The following YARS2 variants were observed in gnomAD, a reference collection of about 807,000 sequenced individuals.
The protein encoded by YARS2 is tyrosine--tRNA ligase, mitochondrial.
Under a neutral mutation model 45.0 loss-of-function variants are expected in YARS2, and 38 were observed. That is an observed-to-expected ratio of 0.84 (90% CI 0.65 to 1.11). The LOEUF (loss-of-function observed/expected upper bound fraction) is 1.11, where lower values mean the gene tolerates loss of function less well. Among genes scored for constraint, YARS2 ranks in the 50% least tolerant of loss-of-function variants. The pLI is 0.00. For missense variants in YARS2, 602 were observed against 599.8 expected (o/e 1.00, Z -0.04); for synonymous variants, 287 against 245.1 (o/e 1.17, Z -1.60).
At chr12:32,752,989 T>C (rs1457579142) in intron 2 of YARS2, among the ~76,000 whole-genome samples, 4 of 152,074 alleles carry the variant, frequency 2.6e-5, no homozygotes, top group Admixed American at 6.6e-5. Context: ...TTAGATATGG[T>C]TGGCACTGTA....
chr12:32,752,471 T>C (rs913912180), intron 2 of YARS2, among the ~76,000 whole-genome samples: 1 of 152,144 alleles, frequency 6.6e-6, no homozygotes, highest in Non-Finnish European at 1.5e-5. Flanking sequence ...CTAAATTCTC[T>C]AGGCCGGGTG....
chr12:32,755,785 C>T lies in YARS2; in HGVS notation c.90G>A (p.Lys30=). Residue 30 remains lysine, a synonymous_variant, in exon 1 of 5, where the codon AAG becomes AAA. Coordinates refer to ENST00000324868, the MANE Select transcript of YARS2 (RefSeq NM_001040436.3). ...GTAACCCCTGAGCGCCCGAGTGGGC[C>T]TTACGCAGCCCCAAGGGCAACAATA... ...LSVLLPLGLR[K]AHSGAQGLLA... The T allele has an allele frequency of 1.2e-6, 2 of 1,613,886 alleles. No homozygotes were observed. Among genetic ancestry groups the T allele is most frequent in the Non-Finnish European group, 1.7e-6 (2 of 1,180,012 alleles).
chr12:32,751,646 C>T (rs556845057), intron 2 of YARS2, among the ~76,000 whole-genome samples: 115 of 152,266 alleles, frequency 7.6e-4, no homozygotes, highest in African/African-American at 2.7e-3. Context: ...CACGAGGCGG[C>T]GGGGAGGGGA....
At chr12:32,753,016 T>A (rs1955777680) in intron 2 of YARS2, among the ~76,000 whole-genome samples, 1 of 151,960 alleles carries the variant, frequency 6.6e-6, no homozygotes, top group African/African-American at 2.4e-5. Context: ...GTAGATCAAA[T>A]CCAGAACTGG....
Position 32,755,249 on chromosome 12 carries a change from T to C in YARS2, c.626A>G (p.Lys209Arg), listed in dbSNP as rs541554381. ...GGCCAAGCTCATGCCCTCGGGGCTCTTGAGCCGCAGCTGCACGCTCTGCCG... is the reference window on the plus strand; with the variant it reads ...GGCCAAGCTCATGCCCTCGGGGCTCCTGAGCCGCAGCTGCACGCTCTGCCG... ...LSRQSVQLRL[K>R]SPEGMSLAEF... is the part of the protein sequence containing the mutation. Residue 209 changes from lysine (K) to arginine (R), a missense_variant, in exon 1 of 5, where the codon AAG becomes AGG. Coordinates refer to ENST00000324868, the MANE Select transcript of YARS2 (RefSeq NM_001040436.3). 707 of 1,614,202 alleles carry C rather than the reference T, an allele frequency of 4.4e-4. 10 individuals are homozygous for C. In the South Asian group the frequency reaches 7.3e-3, roughly 17 times the overall value.
chr12:32,755,200 C>T lies in YARS2; in HGVS notation c.675G>A (p.Gln225=), dbSNP rs145698585. ...GGAAGAGGTAATAGAAGTCATAGGC[C>T]TGGAGCACCTGGTAAAAGAACTCGG... The part of the protein sequence containing the change: ...SLAEFFYQVL[Q]AYDFYYLFQR... Residue 225 remains glutamine, a synonymous_variant, in exon 1 of 5, where the codon CAG becomes CAA. Coordinates refer to ENST00000324868, the MANE Select transcript of YARS2 (RefSeq NM_001040436.3). 3 of 1,614,212 alleles carry T rather than the reference C, an allele frequency of 1.9e-6. No homozygotes were observed. Among genetic ancestry groups the T allele is most frequent in the Admixed American group, 3.3e-5 (2 of 60,022 alleles).
At chr12:32,753,861 A>C in intron 2 of YARS2, 57 bp downstream of exon 2, 2 of 1,606,258 alleles carry the variant, frequency 1.2e-6, no homozygotes, top group South Asian at 1.1e-5. Flanking sequence ...TCAATGGCTA[A>C]AATTACATCA....
chr12:32,752,156 C>T (rs185005904), intron 2 of YARS2, among the ~76,000 whole-genome samples: 2 of 152,170 alleles, frequency 1.3e-5, no homozygotes, highest in East Asian at 3.9e-4. Flanking sequence ...AGAATGTATC[C>T]CTATTGTTAA....
chr12:32,749,190 T>C (rs1480389212), intron 4 of YARS2, among the ~76,000 whole-genome samples: 1 of 152,194 alleles, frequency 6.6e-6, no homozygotes, highest in Non-Finnish European at 1.5e-5. Context: ...GTTAATACTA[T>C]AGATAGGTTA....
chr12:32,753,829 A>G, intron 2 of YARS2, 89 bp downstream of exon 2: 3 of 1,560,172 alleles, frequency 1.9e-6, no homozygotes, highest in South Asian at 1.1e-5. Context: ...AAAAACAAAA[A>G]AACTATAAAA....
At chr12:32,752,742 A>AAT in intron 2 of YARS2, 4 of 137,232 alleles carry the variant, frequency 2.9e-5, no homozygotes, top group South Asian at 2.8e-4. Context: ...CACTGCCTCA[A>AAT]AAAAAAAAAA....
rs1159589189 is a variant in YARS2 at position 32,747,104 on chromosome 12, G to A, written c.*100C>T. ...GAGTCCTAGTCCATTCTGTTTTTCTGATTTGCATAAGCAAAGGTCTAAGTT... is the reference window on the plus strand; with the variant it reads ...GAGTCCTAGTCCATTCTGTTTTTCTAATTTGCATAAGCAAAGGTCTAAGTT... On this transcript the variant is annotated 3_prime_UTR_variant, in exon 5 of 5. Transcript: ENST00000324868. 2 of 1,264,146 alleles carry A rather than the reference G, an allele frequency of 1.6e-6. No individual in the cohort carries two copies. The highest frequency in any genetic ancestry group is 2.2e-6 in the Non-Finnish European group (2 of 890,172). 78.3% of individuals were successfully genotyped at this position (1,264,146 alleles called of 1,614,324 possible).
chr12:32,750,078 A>G lies in YARS2; in HGVS notation c.1133T>C (p.Ile378Thr). The G allele has an allele frequency of 6.2e-7, 1 of 1,614,178 alleles. No individual in the cohort carries two copies. Among genetic ancestry groups the G allele is most frequent in the Non-Finnish European group, 8.5e-7 (1 of 1,180,030 alleles). ...ATCAGACATGACCTCCAGTGCATCT[A>G]TGCTACTGTGATAAAGGGCTTGTGT... ...RCTQALYHSS[I>T]DALEVMSDQE... Residue 378 changes from isoleucine (I) to threonine (T), a missense_variant, in exon 4 of 5, where the codon ATA becomes ACA. Coordinates refer to ENST00000324868, the MANE Select transcript of YARS2 (RefSeq NM_001040436.3).
At chr12:32,749,885 TG>T in intron 4 of YARS2, 51 bp downstream of exon 4, 1 of 1,605,570 alleles carries the variant, frequency 6.2e-7, no homozygotes, top group Non-Finnish European at 8.5e-7. Context: ...CCTTGTGAAC[TG>T]TAACATTTAA....
In YARS2 at chr12:32,755,083, TA is replaced by T; in HGVS notation, c.779+12del. ...TTGGTCCCAGGATTTCCCCAAGGTT[TA>T]AAGGCACTTACTTGTTGATGAACTC... On this transcript the variant is annotated intron_variant, in intron 1 of 4. Coordinates refer to ENST00000324868, the MANE Select transcript of YARS2 (RefSeq NM_001040436.3). 1 of 1,614,130 alleles carries T rather than the reference TA, an allele frequency of 6.2e-7. No individual in the cohort carries two copies. Among genetic ancestry groups the T allele is most frequent in the Non-Finnish European group, 8.5e-7 (1 of 1,180,014 alleles).
intron 2 of YARS2, chr12:32,752,800 C>G: frequency 2.9e-6 from 1 of 347,478 alleles, no homozygotes; most frequent in Non-Finnish European, 5.7e-6. Context: ...AACCCCAGGA[C>G]TATATCGTCA....
intron 2 of YARS2, among the ~76,000 whole-genome samples, chr12:32,752,517 G>A (rs1294955659): frequency 6.6e-6 from 1 of 152,062 alleles, no homozygotes; most frequent in African/African-American, 2.4e-5. Context: ...CACTTTGGGA[G>A]GCTGAGGAAG....
At position 32,755,591 on chromosome 12, in the gene YARS2, A is replaced by C; in HGVS notation, c.284T>G (p.Leu95Arg). Reference protein sequence around the residue: ...DSLHVGHLLALLGLFHLQRAG... With the variant: ...DSLHVGHLLARLGLFHLQRAG... ...TCGCTGCAAATGAAACAGGCCCAGC[A>C]GCGCAAGTAGATGACCCACATGAAG... The change falls in exon 1 of 5, where the codon CTG becomes CGG. Residue 95 changes from leucine to arginine, a missense_variant. Transcript: ENST00000324868. The C allele has an allele frequency of 6.2e-7, 1 of 1,613,950 alleles. No individual in the cohort carries two copies. The highest frequency in any genetic ancestry group is 8.5e-7 in the Non-Finnish European group (1 of 1,179,900).
chr12:32,751,998 G>A (rs1054484372), intron 2 of YARS2, among the ~76,000 whole-genome samples: 12 of 152,248 alleles, frequency 7.9e-5, no homozygotes, highest in African/African-American at 2.9e-4. Context: ...TCAGTATTTA[G>A]TACAGTAATG....
Sources: allele counts gnomAD v4.1 joint callset (sites outside exome capture counted in the v4.1 genomes callset), GRCh38; gene constraint gnomAD v4.1.1; transcripts MANE v1.5; gene names NCBI Gene and HGNC (gene_info 2026-07-23, HGNC 2026-07-21).